Variants in TMEM131 observed in about 807,000 individuals in gnomAD.
TMEM131 encodes 2610524E03Rik.
TMEM131 carries 66 observed loss-of-function variants against 211.6 expected under a neutral mutation model. That is an observed-to-expected ratio of 0.31 (90% CI 0.26 to 0.38). The LOEUF (loss-of-function observed/expected upper bound fraction) is 0.38. Ranked by LOEUF, TMEM131 falls within the 10% of genes least tolerant of loss-of-function variation. TMEM131 has a pLI of 1.00. For synonymous variants in TMEM131, 844 were observed against 841.3 expected (o/e 1.00, Z -0.06); for missense variants, 2,036 against 2,299.3 (o/e 0.89, Z 2.34).
chr2:97,932,849 G>GTTAAACAAAGATAAACTGTTTAA (rs142345104), intron 1 of TMEM131, among the ~76,000 whole-genome samples: 2,642 of 152,252 alleles, frequency 0.017, 112 homozygotes, highest in East Asian at 0.15. Flanking sequence ...TAAATAGGCT[G>GTTAAACAAAGATAAACTGTTTAA]ACTGTTAAAA....
intron 11 of TMEM131, among the ~76,000 whole-genome samples, chr2:97,823,106 G>A (rs1682208139): frequency 6.6e-6 from 1 of 152,046 alleles, no homozygotes; most frequent in Non-Finnish European, 1.5e-5. Context: ...TGCAAAGCTT[G>A]CAATTTACAT....
rs1678693182 is a variant in TMEM131, at chr2:97,959,014, AAAG to A, written c.188-31530_188-31528del. On this transcript the variant is annotated intron_variant, in intron 1 of 40. Coordinates refer to ENST00000186436, the MANE Select transcript of TMEM131 (RefSeq NM_015348.2). Reference sequence around the variant, plus strand: ...AGTGTCAAAGACTATCCCACAGAGAAAAGAAGAGGACAGAGGGGCAGAGACTTG... The same window carrying A: ...AGTGTCAAAGACTATCCCACAGAGAAAAGAGGACAGAGGGGCAGAGACTTG... Among the ~76,000 whole-genome samples the A allele has an allele frequency of 2.0e-5, 3 of 152,346 alleles. No individual in the cohort carries two copies. The South Asian group carries it at 6.2e-4, about 32-fold the overall frequency.
chr2:97,993,788 G>A (rs1340144136), intron 1 of TMEM131, among the ~76,000 whole-genome samples: 1 of 152,176 alleles, frequency 6.6e-6, no homozygotes, highest in Non-Finnish European at 1.5e-5. Context: ...TGAGAAATTA[G>A]CAAATATATT....
chr2:97,834,619 A>G lies in TMEM131; in HGVS notation c.1012+2T>C. 2 of 1,527,626 alleles carry G rather than the reference A, an allele frequency of 1.3e-6. No individual in the cohort carries two copies. Among genetic ancestry groups the G allele is most frequent in the Non-Finnish European group, 8.8e-7 (1 of 1,142,466 alleles). The allele number at this position is 1,527,626 out of a possible 1,614,324, so 94.6% of individuals were successfully genotyped here. ...AAAGACTCTTTTAAAAGATTTTTTT[A>G]CCTTGTGTTCTTAGTGTACCAAAAT... On this transcript the variant is annotated splice_donor_variant, in intron 10 of 40. Transcript: ENST00000186436. LOFTEE classifies it high-confidence loss of function.
At chr2:97,757,443 AG>A (rs1392511579) in intron 40 of TMEM131, 60 bp from the exon 41 acceptor site, 4 of 1,517,874 alleles carry the variant, frequency 2.6e-6, no homozygotes, top group East Asian at 2.3e-5. Flanking sequence ...CAAGTGGGTA[AG>A]GGGGTAAGGC....
rs146430767 is a variant in TMEM131 at position 97,803,199 on chromosome 2, T to C, written c.2403-409A>G. Reference sequence around the variant, plus strand: ...ATGTTACGCAGATCCTAAAGGATCTTATGTGCCTAGAGGAAAGATCTAGAC... The same window carrying C: ...ATGTTACGCAGATCCTAAAGGATCTCATGTGCCTAGAGGAAAGATCTAGAC... On this transcript the variant is annotated intron_variant, in intron 22 of 40. Coordinates refer to ENST00000186436, the MANE Select transcript of TMEM131 (RefSeq NM_015348.2). Among the ~76,000 whole-genome samples, 318 of 152,352 alleles carry C rather than the reference T, an allele frequency of 2.1e-3. 1 individual carries two copies. Among genetic ancestry groups the C allele is most frequent in the Admixed American group, 3.8e-3 (58 of 15,304 alleles).
intron 4 of TMEM131, among the ~76,000 whole-genome samples, chr2:97,861,471 T>A (rs929811744): frequency 6.6e-6 from 1 of 151,490 alleles, no homozygotes; most frequent in East Asian, 2.0e-4. Flanking sequence ...CTGCTGTGGA[T>A]TGGGGAGGGA....
At chr2:97,814,839 TTC>T (rs1228137518) in intron 13 of TMEM131, among the ~76,000 whole-genome samples, 1 of 152,148 alleles carries the variant, frequency 6.6e-6, no homozygotes, top group Non-Finnish European at 1.5e-5. Context: ...ATATAAAGAA[TTC>T]TGTTTCGAGT....
intron 5 of TMEM131, among the ~76,000 whole-genome samples, chr2:97,852,419 A>G (rs1673661851): frequency 7.6e-6 from 1 of 132,312 alleles, no homozygotes. Flanking sequence ...CAGCCTCCCA[A>G]AGTGCTGGGA....
chr2:97,757,177 C>T lies in TMEM131; in HGVS notation c.5574G>A (p.Pro1858=), dbSNP rs768756111. 53 of 1,613,782 alleles carry T rather than the reference C, an allele frequency of 3.3e-5. No homozygotes were observed. The highest frequency in any genetic ancestry group is 3.8e-5 in the Non-Finnish European group (45 of 1,179,830). ...CAATCGTGGGGCTCCATATCCGCCA[C>T]GGGTTGTAGGTCTGTCCCAAGTCGT... ...PADDLGQTYN[P]WRIWSPTIGR... The change falls in exon 41 of 41, where the codon CCG becomes CCA. Residue 1858 remains proline (P), a synonymous_variant. Transcript: ENST00000186436.
chr2:97,914,891 CAA>C (rs896381637), intron 2 of TMEM131, among the ~76,000 whole-genome samples: 2 of 152,184 alleles, frequency 1.3e-5, no homozygotes, highest in Non-Finnish European at 2.9e-5. Context: ...GGAGAATCCC[CAA>C]GAGAGCAATT....
At chr2:97,953,006 C>T (rs550281422) in intron 1 of TMEM131, among the ~76,000 whole-genome samples, 48 of 152,180 alleles carry the variant, frequency 3.2e-4, no homozygotes, top group Non-Finnish European at 5.1e-4. Flanking sequence ...AAAATTTTGT[C>T]ACTACCAAGC....
intron 11 of TMEM131, among the ~76,000 whole-genome samples, chr2:97,818,956 G>A (rs60885334): frequency 0.025 from 3,748 of 152,290 alleles, 165 homozygotes; most frequent in African/African-American, 0.086. Flanking sequence ...ATTTGTAAGT[G>A]TAAGAATCTA....
chr2:97,872,292 C>CT (rs1674520392), intron 4 of TMEM131, among the ~76,000 whole-genome samples: 1 of 152,120 alleles, frequency 6.6e-6, no homozygotes, highest in South Asian at 2.1e-4. Context: ...TAGAAAGACT[C>CT]TAACTCCATT....
chr2:97,900,125 T>C (rs987111996), intron 3 of TMEM131, among the ~76,000 whole-genome samples: 2 of 152,112 alleles, frequency 1.3e-5, no homozygotes, highest in Non-Finnish European at 2.9e-5. Flanking sequence ...AGGTAGAGTA[T>C]CAGTCGTTTA....
chr2:97,905,001 T>A (rs1676009955), intron 3 of TMEM131, among the ~76,000 whole-genome samples: 1 of 152,208 alleles, frequency 6.6e-6, no homozygotes, highest in Admixed American at 6.5e-5. Context: ...TTTAAAATGT[T>A]AGAAATTAAC....
intron 1 of TMEM131, among the ~76,000 whole-genome samples, chr2:97,930,906 C>T (rs921908072): frequency 3.3e-5 from 5 of 150,854 alleles, no homozygotes; most frequent in African/African-American, 5.0e-5. Context: ...TTACTGATCA[C>T]TGTTGTTAAT....
At chr2:97,897,699 A>G (rs998197426) in intron 3 of TMEM131, among the ~76,000 whole-genome samples, 2 of 152,134 alleles carry the variant, frequency 1.3e-5, no homozygotes, top group Non-Finnish European at 2.9e-5. Flanking sequence ...TGTCGCTTCT[A>G]GCTTTCTTTA....
chr2:97,788,258 A>G (rs1188938132), intron 31 of TMEM131, among the ~76,000 whole-genome samples: 2 of 152,102 alleles, frequency 1.3e-5, no homozygotes, highest in African/African-American at 4.8e-5. Flanking sequence ...TGGGCCTCCA[A>G]TGTTGCTGAA....
Sources: allele counts gnomAD v4.1 joint callset (sites outside exome capture counted in the v4.1 genomes callset), GRCh38; gene constraint gnomAD v4.1.1; transcripts MANE v1.5; gene names NCBI Gene and HGNC (gene_info 2026-07-23, HGNC 2026-07-21).